TXLNB: variants seen among roughly 807,000 people sequenced by gnomAD.
The protein encoded by TXLNB is taxilin beta.
A neutral mutation model predicts 57.4 loss-of-function variants in TXLNB; 37 were observed. The ratio of observed to expected loss-of-function variants is 0.64; its 90% confidence interval spans 0.50 to 0.85. The LOEUF is 0.85. Ranked by LOEUF, TXLNB falls within the 40% of genes least tolerant of loss-of-function variation. The pLI, the probability that TXLNB is intolerant of heterozygous loss-of-function variation, is 0.00. For synonymous variants in TXLNB, 302 were observed against 309.6 expected, an observed-to-expected ratio of 0.98 and a Z score of 0.26; for missense variants, 848 against 825.6, an observed-to-expected ratio of 1.03 and a Z score of -0.33.
At chr6:139,278,487 T>C (rs1185503358) in intron 2 of TXLNB, among the ~76,000 whole-genome samples, 4 of 152,186 alleles carry the variant, frequency 2.6e-5, no homozygotes, top group African/African-American at 9.6e-5. Context: ...CTGCCAGGCA[T>C]GTGCTTTGGG....
rs1269639390 is a variant in TXLNB, at chr6:139,243,241, A to G, written c.1340T>C (p.Leu447Ser). 1 of 1,613,894 alleles carries G rather than the reference A, an allele frequency of 6.2e-7. No homozygotes were observed. The highest frequency in any genetic ancestry group is 8.5e-7 in the Non-Finnish European group (1 of 1,180,038). ...IGRLENLCRA[L>S]QEERNELHKK... Reference sequence around the variant, plus strand: ...GTGGAGTTCGTTTCTCTCTTCTTGTAAAGCACGGCAGAGGTTCTCTAGCCT... The same window carrying G: ...GTGGAGTTCGTTTCTCTCTTCTTGTGAAGCACGGCAGAGGTTCTCTAGCCT... Residue 447 changes from leucine to serine, a missense_variant, in exon 10 of 10, where the codon TTA becomes TCA. By Grantham distance (145) the Leu-to-Ser change is moderately radical (BLOSUM62 -2). Coordinates refer to ENST00000358430, the MANE Select transcript of TXLNB (RefSeq NM_153235.4).
chr6:139,176,497 G>T, the TXLNB span, among the ~76,000 whole-genome samples: 1 of 152,120 alleles, frequency 6.6e-6, no homozygotes. The surrounding 1 kb of genome is among the most constrained non-coding windows in gnomAD (Gnocchi z 4.5). Flanking sequence ...GACCAGCACC[G>T]CACTTCCTGG....
chr6:139,270,969 A>T (rs1776746621), intron 3 of TXLNB, among the ~76,000 whole-genome samples: 1 of 152,220 alleles, frequency 6.6e-6, no homozygotes, highest in African/African-American at 2.4e-5. Context: ...AAACTGCCAG[A>T]GTTCATGACG....
At chr6:139,311,584 T>A in the TXLNB span, among the ~76,000 whole-genome samples, 2 of 152,300 alleles carry the variant, frequency 1.3e-5, no homozygotes, top group Admixed American at 6.5e-5. Context: ...TGATGCTGCA[T>A]ATGTTCTGCC....
At chr6:139,290,103 C>T (rs1055683314) in intron 1 of TXLNB, among the ~76,000 whole-genome samples, 28 of 152,062 alleles carry the variant, frequency 1.8e-4, no homozygotes, top group Admixed American at 9.8e-4. Context: ...TATGGAAACA[C>T]GGGCCAGGTG....
At chr6:139,235,430 G>T (rs1775825403), downstream of TXLNB, among the ~76,000 whole-genome samples, 1 of 152,154 alleles carries the variant, frequency 6.6e-6, no homozygotes, top group African/African-American at 2.4e-5. Context: ...GGGGACTGTT[G>T]GGAAGGCATG....
chr6:139,244,588 T>G lies in TXLNB; in HGVS notation c.1266+7A>C. 3 of 1,601,056 alleles carry G rather than the reference T, an allele frequency of 1.9e-6. No homozygotes were observed. Among genetic ancestry groups the G allele is most frequent in the Non-Finnish European group, 2.6e-6 (3 of 1,168,116 alleles). On this transcript the variant is annotated splice_region_variant and intron_variant, in intron 9 of 9. Transcript: ENST00000358430. ...GGGGATTAAAGCTAAGGGAGAAACT[T>G]CCTCACCTCTTCAATCATGTCCAAC...
chr6:139,286,057 C>G (rs1364780732), intron 2 of TXLNB, among the ~76,000 whole-genome samples: 1 of 152,142 alleles, frequency 6.6e-6, no homozygotes, highest in Non-Finnish European at 1.5e-5. Context: ...GAACTTTGGC[C>G]TCTCACTCAG....
In TXLNB at chr6:139,242,749, G is replaced by A. The variant is rs747024947; in HGVS notation, c.1832C>T (p.Ser611Phe). 85 of 1,613,966 alleles carry A rather than the reference G, an allele frequency of 5.3e-5. 1 individual carries two copies. The highest frequency in any genetic ancestry group is 1.0e-5 in the Non-Finnish European group (12 of 1,179,994). Residue 611 changes from serine (S) to phenylalanine (F), a missense_variant, in exon 10 of 10, where the codon TCC becomes TTC. By Grantham distance (155) the Ser-to-Phe change is radical. Coordinates refer to ENST00000358430, the MANE Select transcript of TXLNB (RefSeq NM_153235.4). Reference sequence around the variant, plus strand: ...GGTGGGAGCCTGTGGGGCCTGACCGGAAGCTTCTGCCTCTGGCTTCCAGGA... The same window carrying A: ...GGTGGGAGCCTGTGGGGCCTGACCGAAAGCTTCTGCCTCTGGCTTCCAGGA... The part of the protein sequence containing the change: ...QASWKPEAEA[S>F]GQAPQAPTEA...
chr6:139,171,866 T>C, the TXLNB span, among the ~76,000 whole-genome samples: 2 of 152,026 alleles, frequency 1.3e-5, no homozygotes, highest in Non-Finnish European at 2.9e-5. Flanking sequence ...GGTTTCACTT[T>C]TGTTGCCCAG....
At chr6:139,223,582 C>T in the TXLNB span, among the ~76,000 whole-genome samples, 1 of 151,918 alleles carries the variant, frequency 6.6e-6, no homozygotes, top group South Asian at 2.1e-4. Flanking sequence ...CTACAATGAA[C>T]CCAAACAAAT....
At chr6:139,283,351 C>T (rs1470154905) in intron 2 of TXLNB, among the ~76,000 whole-genome samples, 2 of 142,390 alleles carry the variant, frequency 1.4e-5, no homozygotes, top group South Asian at 2.4e-4. Flanking sequence ...CCGACGCAGG[C>T]GGATCACCTG....
chr6:139,319,923 G>A, the TXLNB span, among the ~76,000 whole-genome samples: 1 of 151,540 alleles, frequency 6.6e-6, no homozygotes, highest in Non-Finnish European at 1.5e-5. Flanking sequence ...ATAGTGAAGT[G>A]GATAAAAAGT....
the TXLNB span, among the ~76,000 whole-genome samples, chr6:139,171,074 G>A: frequency 8.6e-4 from 131 of 152,262 alleles, 1 homozygote; most frequent in African/African-American, 3.0e-3. Context: ...AGAAGATGAG[G>A]TTTCTGTGTG....
chr6:139,172,928 C>T, the TXLNB span, among the ~76,000 whole-genome samples: 1 of 152,230 alleles, frequency 6.6e-6, no homozygotes, highest in East Asian at 1.9e-4. Flanking sequence ...AAAAGTTACT[C>T]TGTCTTCATC....
chr6:139,237,767 T>A (rs1775853045), downstream of TXLNB, among the ~76,000 whole-genome samples: 2 of 152,128 alleles, frequency 1.3e-5, no homozygotes, highest in Admixed American at 6.5e-5. Flanking sequence ...AGTTATGATT[T>A]GAGGTAATTG....
intron 2 of TXLNB, among the ~76,000 whole-genome samples, chr6:139,281,391 C>G (rs1285875514): frequency 6.6e-6 from 1 of 152,098 alleles, no homozygotes; most frequent in East Asian, 1.9e-4. Context: ...AGGCCTGTAT[C>G]AGCTTCGAAA....
chr6:139,198,623 T>C, the TXLNB span, among the ~76,000 whole-genome samples: 2 of 152,218 alleles, frequency 1.3e-5, no homozygotes, highest in Non-Finnish European at 1.5e-5. Flanking sequence ...TGGCTTCCAA[T>C]TGGTTTTGGC....
the TXLNB span, among the ~76,000 whole-genome samples, chr6:139,204,264 G>T: frequency 2.0e-5 from 3 of 152,098 alleles, no homozygotes; most frequent in Admixed American, 6.5e-5. Context: ...CACCATGTTG[G>T]CCAGGCTGGT....
Sources: gnomAD v4.1 joint callset for allele counts (sites outside exome capture counted in the v4.1 genomes callset) on GRCh38, gnomAD v4.1.1 for gene constraint, Gnocchi (gnomAD v3.1) non-coding constraint, MANE v1.5 for transcripts, NCBI Gene and HGNC (gene_info 2026-07-23, HGNC 2026-07-21) for gene names.